Variants in THSD7B observed in about 807,000 individuals in gnomAD.
THSD7B encodes thrombospondin type-1 domain-containing protein 7B.
In THSD7B, 138 loss-of-function variants were observed where a neutral mutation model predicts 213.6. That is an observed-to-expected ratio of 0.65 (90% CI 0.56 to 0.74). The LOEUF (loss-of-function observed/expected upper bound fraction) is 0.74, where lower values mean the gene tolerates loss of function less well. Ranked by LOEUF, THSD7B falls within the 30% of genes least tolerant of loss-of-function variation. The pLI, the probability that THSD7B is intolerant of heterozygous loss-of-function variation, is 0.00. For missense variants in THSD7B, 1,931 were observed against 1,991.5 expected (o/e 0.97, Z 0.58); for synonymous variants, 742 against 687.0 (o/e 1.08, Z -1.25).
At chr2:136,804,749 A>G (rs1682253904) in intron 1 of THSD7B, among the ~76,000 whole-genome samples, 1 of 151,998 alleles carries the variant, frequency 6.6e-6, no homozygotes, top group African/African-American at 2.4e-5. Context: ...TACTTTTTCC[A>G]TTTGGGTACT....
chr2:137,348,252 G>GACACCACCT (rs1447941787), intron 12 of THSD7B, among the ~76,000 whole-genome samples: 2 of 151,622 alleles, frequency 1.3e-5, no homozygotes, highest in African/African-American at 2.4e-5. Context: ...TACACAAGGT[G>GACACCACCT]GTGTCAAAAG....
chr2:137,231,341 A>G (rs1681635920), intron 8 of THSD7B, 106 bp downstream of exon 8: 2 of 1,070,626 alleles, frequency 1.9e-6, no homozygotes, highest in African/African-American at 1.6e-5. Flanking sequence ...TCACACATAG[A>G]CGATATCTCT....
intron 14 of THSD7B, among the ~76,000 whole-genome samples, chr2:137,432,709 C>T (rs1456697561): frequency 6.6e-6 from 1 of 152,156 alleles, no homozygotes; most frequent in Non-Finnish European, 1.5e-5. Context: ...GTCTTCTGTC[C>T]TTCCAGGACT....
chr2:137,058,221 T>G (rs1212563580), intron 3 of THSD7B, among the ~76,000 whole-genome samples: 2 of 152,182 alleles, frequency 1.3e-5, no homozygotes, highest in Non-Finnish European at 2.9e-5. Flanking sequence ...CCTTGATACT[T>G]CATTCTGATT....
At position 137,609,474 on chromosome 2, in the gene THSD7B, G is replaced by A. The variant is rs763168020; in HGVS notation, c.3424-6701G>A. 2.7e-4 allele frequency among the ~76,000 whole-genome samples: 41 copies of A among 152,280 alleles called. No individual in the cohort carries two copies. The Middle Eastern group carries it at 0.014, about 51-fold the overall frequency. On this transcript the variant is annotated intron_variant, in intron 17 of 27. Coordinates refer to ENST00000409968, the MANE Select transcript of THSD7B (RefSeq NM_001316349.2). ...TGGAGGAAGAGCATTGCAGGCAGAGGGAACAGCAAGATCAAGGCCCTGGGG... is the reference window on the plus strand; with the variant it reads ...TGGAGGAAGAGCATTGCAGGCAGAGAGAACAGCAAGATCAAGGCCCTGGGG...
At chr2:137,252,266 C>CAAAAAAAAAAAA (rs1182130976) in intron 10 of THSD7B, among the ~76,000 whole-genome samples, 1 of 59,688 alleles carries the variant, frequency 1.7e-5, no homozygotes, top group Admixed American at 2.8e-4. Flanking sequence ...GACTCTGTCT[C>CAAAAAAAAAAAA]AAAAAAAAAA....
intron 7 of THSD7B, among the ~76,000 whole-genome samples, chr2:137,172,388 G>C (rs906244763): frequency 6.6e-6 from 1 of 152,162 alleles, no homozygotes; most frequent in African/African-American, 2.4e-5. Flanking sequence ...GGAAACAAGA[G>C]AGGGGCTGGA....
chr2:136,965,010 CAA>C (rs70975732), intron 2 of THSD7B, among the ~76,000 whole-genome samples: 35,920 of 118,100 alleles, frequency 0.3, 4,609 homozygotes, highest in Middle Eastern at 0.39. Context: ...GACCCTGTCT[CAA>C]AAAAAAAAAA....
intron 2 of THSD7B, among the ~76,000 whole-genome samples, chr2:136,977,780 G>GTTTCTTTT (rs1294124067): frequency 7.4e-6 from 1 of 135,146 alleles, no homozygotes; most frequent in Non-Finnish European, 1.5e-5. Context: ...TTTTGAATGA[G>GTTTCTTTT]TTTCTTTTTT....
At chr2:137,337,012 CTGT>C (rs1362904590) in intron 12 of THSD7B, among the ~76,000 whole-genome samples, 1 of 151,680 alleles carries the variant, frequency 6.6e-6, no homozygotes, top group Non-Finnish European at 1.5e-5. Context: ...CCACCTTTCC[CTGT>C]TGTTAACATC....
intron 1 of THSD7B, among the ~76,000 whole-genome samples, chr2:136,798,184 C>T (rs1180649912): frequency 6.6e-6 from 1 of 151,760 alleles, no homozygotes; most frequent in African/African-American, 2.4e-5. Flanking sequence ...ATTATTTTTC[C>T]ACTCTCATTA....
intron 12 of THSD7B, among the ~76,000 whole-genome samples, chr2:137,347,095 C>T (rs1484443097): frequency 6.6e-6 from 1 of 151,682 alleles, no homozygotes; most frequent in East Asian, 1.9e-4. Flanking sequence ...TACTATTTTC[C>T]ACAAAGCCTA....
chr2:137,399,342 G>A (rs764322874), intron 12 of THSD7B, among the ~76,000 whole-genome samples: 15 of 151,948 alleles, frequency 9.9e-5, no homozygotes, highest in African/African-American at 2.2e-4. Context: ...ACAGGTATGC[G>A]CAGCCACGCC....
intron 15 of THSD7B, among the ~76,000 whole-genome samples, chr2:137,534,536 T>A (rs1156453932): frequency 6.6e-6 from 1 of 151,840 alleles, no homozygotes; most frequent in Non-Finnish European, 1.5e-5. Flanking sequence ...TGTATATTTT[T>A]AATTATAAAT....
At chr2:136,920,811 A>T (rs1684424110) in intron 2 of THSD7B, among the ~76,000 whole-genome samples, 1 of 152,058 alleles carries the variant, frequency 6.6e-6, no homozygotes, top group Non-Finnish European at 1.5e-5. Context: ...CTTGGCACCC[A>T]AAGTCCAGAA....
chr2:137,368,706 TGAAAAG>T lies in THSD7B; in HGVS notation c.2501-36902_2501-36897del, dbSNP rs1280671457. 3.9e-5 allele frequency among the ~76,000 whole-genome samples: 6 copies of T among 152,292 alleles called. No homozygotes were observed. In the East Asian group the frequency reaches 1.2e-3, roughly 29 times the overall value. ...AATTTCCACAATTTGGAAAATAACT[TGAAAAG>T]GAAACTAATTTACATCTCAACCTAT... On this transcript the variant is annotated intron_variant, in intron 12 of 27. Transcript: ENST00000409968.
intron 12 of THSD7B, among the ~76,000 whole-genome samples, chr2:137,292,785 A>G (rs1488279537): frequency 6.6e-6 from 1 of 152,132 alleles, no homozygotes; most frequent in Non-Finnish European, 1.5e-5. Context: ...CCTGCCAGCT[A>G]TCTTTAGTCA....
chr2:137,195,176 T>G (rs1311569390), intron 7 of THSD7B, among the ~76,000 whole-genome samples: 1 of 151,960 alleles, frequency 6.6e-6, no homozygotes, highest in African/African-American at 2.4e-5. Flanking sequence ...CTAAAAAACT[T>G]TAATAACTGC....
chr2:137,190,019 A>T (rs1409606022), intron 7 of THSD7B, among the ~76,000 whole-genome samples: 1 of 152,154 alleles, frequency 6.6e-6, no homozygotes, highest in Admixed American at 6.5e-5. Context: ...TCAGAGACTT[A>T]CGTGAGGTCA....
Sources: gnomAD v4.1 joint callset for allele counts (sites outside exome capture counted in the v4.1 genomes callset) on GRCh38, gnomAD v4.1.1 for gene constraint, MANE v1.5 for transcripts, NCBI Gene and HGNC (gene_info 2026-07-23, HGNC 2026-07-21) for gene names.